Variants in FSHR observed in about 807,000 individuals in gnomAD.
FSHR encodes follicle-stimulating hormone receptor.
In FSHR, 46 loss-of-function variants were observed where a neutral mutation model predicts 52.1. The observed-to-expected ratio is 0.88, with a 90% CI of 0.70 to 1.13. The LOEUF (loss-of-function observed/expected upper bound fraction) is 1.13. FSHR is among the 50% of genes most tolerant of loss of function. FSHR has a pLI of 0.00. For synonymous variants in FSHR, 399 were observed against 309.6 expected, an observed-to-expected ratio of 1.29 and a Z score of -3.03; for missense variants, 964 against 834.6, an observed-to-expected ratio of 1.16 and a Z score of -1.91.
At chr2:48,992,660 T>G (rs533839026) in intron 4 of FSHR, among the ~76,000 whole-genome samples, 1 of 152,248 alleles carries the variant, frequency 6.6e-6, no homozygotes, top group South Asian at 2.1e-4. Context: ...CAGGGGACAA[T>G]TGGTGGAGCT....
At chr2:49,109,138 G>T (rs183259867) in intron 1 of FSHR, among the ~76,000 whole-genome samples, 23 of 152,246 alleles carry the variant, frequency 1.5e-4, no homozygotes, top group Admixed American at 1.3e-3. Context: ...AGTATATTTG[G>T]CTGTGCATAA....
At chr2:49,116,776 A>C (rs920601358) in intron 1 of FSHR, among the ~76,000 whole-genome samples, 3 of 152,182 alleles carry the variant, frequency 2.0e-5, no homozygotes, top group Non-Finnish European at 4.4e-5. Context: ...GCACATGTAC[A>C]TTGTAGAATG....
At chr2:49,057,250 C>G (rs1028849517) in intron 2 of FSHR, among the ~76,000 whole-genome samples, 13 of 151,670 alleles carry the variant, frequency 8.6e-5, no homozygotes, top group Middle Eastern at 3.4e-3. Flanking sequence ...AAATGATAAG[C>G]CAAATGAACA....
At chr2:48,977,136 C>T (rs1675027367) in intron 8 of FSHR, among the ~76,000 whole-genome samples, 1 of 152,118 alleles carries the variant, frequency 6.6e-6, no homozygotes, top group Non-Finnish European at 1.5e-5. Context: ...CTCTCTCTCT[C>T]TCTCTCGTTT....
At chr2:49,098,296 A>G (rs2103714211) in intron 1 of FSHR, among the ~76,000 whole-genome samples, 1 of 152,278 alleles carries the variant, frequency 6.6e-6, no homozygotes, top group African/African-American at 2.4e-5. Context: ...ACATGCATAA[A>G]AATAATTATA....
At chr2:49,077,707 A>T (rs1299981216) in intron 1 of FSHR, among the ~76,000 whole-genome samples, 1 of 152,166 alleles carries the variant, frequency 6.6e-6, no homozygotes, top group Admixed American at 6.5e-5. Context: ...TCAAGTCTTG[A>T]GTGCTTTGCT....
At chr2:49,140,897 A>G (rs769973978) in intron 1 of FSHR, among the ~76,000 whole-genome samples, 4 of 152,190 alleles carry the variant, frequency 2.6e-5, no homozygotes, top group Admixed American at 1.3e-4. Flanking sequence ...CTGAGCCTCC[A>G]TTAAGTACTC....
intron 2 of FSHR, among the ~76,000 whole-genome samples, chr2:49,037,770 G>T (rs1261401792): frequency 6.6e-6 from 1 of 152,090 alleles, no homozygotes; most frequent in Non-Finnish European, 1.5e-5. Flanking sequence ...AAATTGGAAA[G>T]ACAAGTAAAG....
intron 6 of FSHR, among the ~76,000 whole-genome samples, chr2:48,984,574 T>C (rs1267060673): frequency 7.7e-6 from 1 of 129,602 alleles, no homozygotes; most frequent in East Asian, 2.5e-4. Flanking sequence ...ATTCAAAGTG[T>C]AATAATTGGG....
chr2:48,963,676 A>T lies in FSHR; in HGVS notation c.1145T>A (p.Ile382Lys). The T allele has an allele frequency of 1.2e-6, 2 of 1,614,148 alleles. No individual in the cohort carries two copies. The highest frequency in any genetic ancestry group is 1.7e-6 in the Non-Finnish European group (2 of 1,180,014). Residue 382 changes from isoleucine (I) to lysine (K), a missense_variant, in exon 10 of 10, where the codon ATA becomes AAA. Ile to Lys is a moderately radical substitution (Grantham distance 102, BLOSUM62 -3). Transcript: ENST00000406846. ...ISILAITGNI[I>K]VLVILTTSQY... is the part of the protein sequence containing the mutation. ...GCTGGTAGTTAGGATCACTAGCACT[A>T]TGATGTTCCCAGTGATGGCCAGGAT...
intron 1 of FSHR, among the ~76,000 whole-genome samples, chr2:49,127,896 TTC>T (rs1310946901): frequency 0.061 from 1,955 of 31,942 alleles, 392 homozygotes; most frequent in Middle Eastern, 0.083. Flanking sequence ...CTTCTTCTTC[TTC>T]TTTTTTTTTT....
intron 1 of FSHR, among the ~76,000 whole-genome samples, chr2:49,131,477 C>G (rs1672274974): frequency 6.6e-6 from 1 of 152,234 alleles, no homozygotes; most frequent in Non-Finnish European, 1.5e-5. Flanking sequence ...TACATTATTT[C>G]TCAATTGCAA....
intron 1 of FSHR, among the ~76,000 whole-genome samples, chr2:49,087,070 G>GATTTTTTTTTTTTTTTTTT (rs60949511): frequency 1.2e-5 from 1 of 86,728 alleles, no homozygotes; most frequent in African/African-American, 4.3e-5. Flanking sequence ...TGTGGGCAGG[G>GATTTTTTTTTTTTTTTTTT]TTTTTTTTTT....
In FSHR at chr2:49,087,070, G is replaced by GATTTTTTTTTTTTTTTTTTTTTTTT. The variant is rs60949511; in HGVS notation, c.153-18781_153-18780insAAAAAAAAAAAAAAAAAAAAAAAAT. Among the ~76,000 whole-genome samples the GATTTTTTTTTTTTTTTTTTTTTTTT allele has an allele frequency of 6.9e-5, 6 of 86,732 alleles. 1 individual carries two copies. The highest frequency in any genetic ancestry group is 2.6e-4 in the African/African-American group (6 of 23,382). The allele number at this position is 86,732 out of a possible 152,430, so 56.9% of individuals were successfully genotyped here. On this transcript the variant is annotated intron_variant, in intron 1 of 9. Coordinates refer to ENST00000406846, the MANE Select transcript of FSHR (RefSeq NM_000145.4). Reference sequence around the variant, plus strand: ...GTAGTTGAGGGACCCTGTGGGCAGGGTTTTTTTTTTTTTTTTTTTTTTTTT... The same window carrying GATTTTTTTTTTTTTTTTTTTTTTTT: ...GTAGTTGAGGGACCCTGTGGGCAGGGATTTTTTTTTTTTTTTTTTTTTTTTTTTTTTTTTTTTTTTTTTTTTTTTT...
intron 2 of FSHR, among the ~76,000 whole-genome samples, chr2:49,066,423 A>C (rs1669503608): frequency 1.3e-5 from 2 of 152,044 alleles, no homozygotes; most frequent in Admixed American, 1.3e-4. Context: ...AGTGTAAGGT[A>C]AGACAATGGA....
At chr2:49,057,227 A>G (rs1669095594) in intron 2 of FSHR, among the ~76,000 whole-genome samples, 1 of 152,174 alleles carries the variant, frequency 6.6e-6, no homozygotes, top group Admixed American at 6.5e-5. Flanking sequence ...TGAAATAAAA[A>G]GTTGCTTTTC....
rs191588109 is a variant in FSHR, at chr2:48,988,443, G to C, written c.524+534C>G. Reference sequence around the variant, plus strand: ...GGGCTACTGGCATAAAAGAGTAGAAGGTCTTTCACTAACAACACAGAATGC... The same window carrying C: ...GGGCTACTGGCATAAAAGAGTAGAACGTCTTTCACTAACAACACAGAATGC... On this transcript the variant is annotated intron_variant, in intron 6 of 9. Coordinates refer to ENST00000406846, the MANE Select transcript of FSHR (RefSeq NM_000145.4). Among the ~76,000 whole-genome samples the C allele has an allele frequency of 3.1e-3, 474 of 152,274 alleles. 6 individuals are homozygous for C. The highest frequency in any genetic ancestry group is 0.011 in the African/African-American group (459 of 41,544).
intron 1 of FSHR, among the ~76,000 whole-genome samples, chr2:49,125,455 T>A (rs1295050429): frequency 6.6e-6 from 1 of 152,192 alleles, no homozygotes; most frequent in South Asian, 2.1e-4. Context: ...ATATTATATA[T>A]CTTATTACCT....
intron 1 of FSHR, among the ~76,000 whole-genome samples, chr2:49,127,895 CTTCT>C (rs1558457094): frequency 9.0e-5 from 2 of 22,202 alleles, no homozygotes; most frequent in East Asian, 2.7e-3. Flanking sequence ...TCTTCTTCTT[CTTCT>C]TTTTTTTTTT....
Sources: gnomAD v4.1 joint callset for allele counts (sites outside exome capture counted in the v4.1 genomes callset) on GRCh38, gnomAD v4.1.1 for gene constraint, MANE v1.5 for transcripts, NCBI Gene and HGNC (gene_info 2026-07-23, HGNC 2026-07-21) for gene names.